The following CFAP54 variants were observed in gnomAD, a reference collection of about 807,000 sequenced individuals.
The protein encoded by CFAP54 is cilia and flagella associated protein 54, also known as cilia- and flagella-associated protein 54.
A neutral mutation model predicts 370.4 loss-of-function variants in CFAP54; 290 were observed. That is an observed-to-expected ratio of 0.78 (90% CI 0.71 to 0.86). The LOEUF (loss-of-function observed/expected upper bound fraction) is 0.86, where lower values mean the gene tolerates loss of function less well. CFAP54 is among the 40% of genes least tolerant of loss of function. CFAP54 has a pLI of 0.00. For missense variants in CFAP54, 3,399 were observed against 3,528.7 expected (o/e 0.96, Z 0.93); for synonymous variants, 1,206 against 1,236.5 (o/e 0.98, Z 0.52).
chr12:96,630,126 G>A lies in CFAP54; in HGVS notation c.4137G>A (p.Val1379=), dbSNP rs1565920492. Residue 1379 remains valine, a synonymous_variant, in exon 31 of 68, where the codon GTG becomes GTA. Coordinates refer to ENST00000524981, the MANE Select transcript of CFAP54 (RefSeq NM_001306084.2). ...AGTCTCTACTTGGACTAATAAAAGT[G>A]AAATATAAGGATAGTGCTTTGAATA... ...RNESLLGLIK[V]KYKDSALNKK... is the part of the protein sequence containing the mutation. The A allele has an allele frequency of 2.7e-6, 4 of 1,486,758 alleles. No homozygotes were observed. The East Asian group carries it at 9.9e-5, about 37-fold the overall frequency. 92.1% of individuals were successfully genotyped at this position (1,486,758 alleles called of 1,614,324 possible). A position where few individuals can be genotyped will look rare whatever the true frequency, so the allele number is the denominator to read the frequency against.
At chr12:96,518,636 C>T (rs149054568) in intron 5 of CFAP54, among the ~76,000 whole-genome samples, 170 of 152,178 alleles carry the variant, frequency 1.1e-3, no homozygotes, top group African/African-American at 3.9e-3. Flanking sequence ...CAGTAAGCTG[C>T]GATTGTGCCA....
intron 19 of CFAP54, among the ~76,000 whole-genome samples, chr12:96,573,435 A>G (rs7305298): frequency 0.3 from 45,848 of 151,874 alleles, 7,180 homozygotes; most frequent in South Asian, 0.4. Flanking sequence ...ACCTTTTGTT[A>G]CCCTTCAAGG....
intron 39 of CFAP54, among the ~76,000 whole-genome samples, chr12:96,665,283 G>A (rs982575553): frequency 3.9e-5 from 6 of 152,150 alleles, no homozygotes; most frequent in African/African-American, 1.2e-4. Flanking sequence ...TGTTTACAAT[G>A]TTGATAGTTT....
chr12:96,637,959 G>A (rs1226961673), intron 32 of CFAP54, among the ~76,000 whole-genome samples: 2 of 152,094 alleles, frequency 1.3e-5, no homozygotes, highest in East Asian at 3.9e-4. Flanking sequence ...GCCTAGGTGT[G>A]TAGTAGGCTA....
chr12:96,554,982 A>G, intron 17 of CFAP54, 180 bp downstream of exon 17: 1 of 477,530 alleles, frequency 2.1e-6, no homozygotes. Context: ...TTATTGCTTT[A>G]CACTTTGCAT....
chr12:96,580,303 G>C (rs1405041745), intron 20 of CFAP54, among the ~76,000 whole-genome samples: 1 of 151,958 alleles, frequency 6.6e-6, no homozygotes, highest in Non-Finnish European at 1.5e-5. Flanking sequence ...CCATCTCATA[G>C]AGTTGTGCAT....
chr12:96,734,663 T>C (rs1247150512), intron 50 of CFAP54, among the ~76,000 whole-genome samples: 3 of 152,198 alleles, frequency 2.0e-5, no homozygotes, highest in Admixed American at 2.0e-4. Context: ...CTCTCTCCAG[T>C]GTATGAATTC....
intron 33 of CFAP54, among the ~76,000 whole-genome samples, chr12:96,644,928 T>G (rs921178212): frequency 1.3e-5 from 2 of 152,220 alleles, no homozygotes; most frequent in Non-Finnish European, 2.9e-5. Flanking sequence ...AATCTCAGAA[T>G]CTTTCACAAT....
rs1955142337 is a variant in CFAP54, at chr12:96,509,520, T to C, written c.739+2421T>C. On this transcript the variant is annotated intron_variant, in intron 4 of 67. Transcript: ENST00000524981. ...CAAATATTTAACCAATCTTGGTTTT[T>C]AAATAAAAATTTAGGCTGCACACAG... Among the ~76,000 whole-genome samples the C allele has an allele frequency of 2.0e-5, 3 of 152,168 alleles. No homozygotes were observed. In the South Asian group the frequency reaches 6.2e-4, roughly 31 times the overall value.
At chr12:96,613,151 T>C (rs1253657497) in intron 26 of CFAP54, among the ~76,000 whole-genome samples, 16 of 151,988 alleles carry the variant, frequency 1.1e-4, no homozygotes, top group Admixed American at 1.0e-3. Flanking sequence ...TGTAAAAGAA[T>C]AGAAATTATA....
At chr12:96,817,653 C>G (rs1015415864) in intron 64 of CFAP54, 122 bp from the exon 65 acceptor site, 2 of 408,774 alleles carry the variant, frequency 4.9e-6, no homozygotes, top group East Asian at 4.5e-5. Flanking sequence ...ATCTCCTGAC[C>G]TCGTGATCCA....
intron 8 of CFAP54, among the ~76,000 whole-genome samples, chr12:96,522,650 C>T (rs111620291): frequency 3.0e-4 from 46 of 152,316 alleles, no homozygotes; most frequent in African/African-American, 1.1e-3. Context: ...AAACAACACC[C>T]GTACCTCAGG....
chr12:96,666,558 G>T (rs554568260), intron 39 of CFAP54, among the ~76,000 whole-genome samples: 3 of 152,334 alleles, frequency 2.0e-5, no homozygotes, highest in South Asian at 4.1e-4. Context: ...ATGGCGGCAA[G>T]CTGGAGAGCA....
intron 63 of CFAP54, among the ~76,000 whole-genome samples, chr12:96,806,314 T>C (rs1958882544): frequency 6.7e-6 from 1 of 148,950 alleles, no homozygotes; most frequent in Admixed American, 6.7e-5. Context: ...CATAGAAGAC[T>C]CAGATGGATA....
At chr12:96,519,609 A>G (rs1955280722) in intron 6 of CFAP54, among the ~76,000 whole-genome samples, 2 of 151,834 alleles carry the variant, frequency 1.3e-5, no homozygotes, top group Non-Finnish European at 2.9e-5. Context: ...TCTTTGCTCC[A>G]TTTCTGAGTA....
chr12:96,700,305 G>A (rs577992243), intron 46 of CFAP54, among the ~76,000 whole-genome samples: 5 of 152,264 alleles, frequency 3.3e-5, no homozygotes, highest in Admixed American at 6.5e-5. Flanking sequence ...TTTTGGAGTA[G>A]TTTTTGCAAT....
At chr12:96,859,979 CA>C (rs1399699140) in intron 66 of CFAP54, among the ~76,000 whole-genome samples, 4 of 152,124 alleles carry the variant, frequency 2.6e-5, no homozygotes, top group South Asian at 2.1e-4. Flanking sequence ...AATACTTTAT[CA>C]TTTTTTTAAT....
At chr12:96,643,675 G>A (rs1253666083) in intron 32 of CFAP54, among the ~76,000 whole-genome samples, 2 of 151,956 alleles carry the variant, frequency 1.3e-5, no homozygotes, top group Non-Finnish European at 2.9e-5. Context: ...TTTTTTTCTG[G>A]AGCATATTGA....
intron 66 of CFAP54, among the ~76,000 whole-genome samples, chr12:96,842,259 A>C (rs112281357): frequency 0.01 from 1,541 of 152,302 alleles, 27 homozygotes; most frequent in African/African-American, 0.034. Flanking sequence ...AGAGATTCAC[A>C]TGCAGTCACA....
Sources: gnomAD v4.1 joint callset for allele counts (sites outside exome capture counted in the v4.1 genomes callset) on GRCh38, gnomAD v4.1.1 for gene constraint, MANE v1.5 for transcripts, NCBI Gene and HGNC (gene_info 2026-07-23, HGNC 2026-07-21) for gene names.